Variants in TAB2 observed in about 807,000 individuals in gnomAD.
TAB2 encodes TGF-beta activated kinase 1 (MAP3K7) binding protein 2, also known as TGF-beta-activated kinase 1 and MAP3K7-binding protein 2.
In TAB2, 3 loss-of-function variants were observed where a neutral mutation model predicts 65.0. The observed-to-expected ratio is 0.05, with a 90% CI of 0.02 to 0.12. The LOEUF (loss-of-function observed/expected upper bound fraction) is 0.12. Among genes scored for constraint, TAB2 ranks in the 10% least tolerant of loss-of-function variants. TAB2 has a pLI of 1.00. For missense variants in TAB2, 623 were observed against 840.3 expected, an observed-to-expected ratio of 0.74 and a Z score of 3.20; for synonymous variants, 298 against 285.1, an observed-to-expected ratio of 1.05 and a Z score of -0.46.
intron 1 of TAB2, among the ~76,000 whole-genome samples, chr6:149,325,154 G>A (rs1488551292): frequency 6.6e-6 from 1 of 152,162 alleles, no homozygotes; most frequent in Non-Finnish European, 1.5e-5. Flanking sequence ...TTTAAAACCA[G>A]ATGAGCCCAA....
At chr6:149,361,661 T>G (rs972103627) in intron 1 of TAB2, among the ~76,000 whole-genome samples, 3 of 152,152 alleles carry the variant, frequency 2.0e-5, no homozygotes, top group Admixed American at 6.5e-5. Flanking sequence ...TGAATTCCTC[T>G]CCCGAAAAAG....
At chr6:149,349,828 G>T (rs1262504384) in intron 1 of TAB2, among the ~76,000 whole-genome samples, 3 of 152,102 alleles carry the variant, frequency 2.0e-5, no homozygotes, top group African/African-American at 7.2e-5. Flanking sequence ...GAGAGTTATG[G>T]CAACAAATAT....
At chr6:149,308,338 C>G (rs1484068493) in intron 1 of TAB2, among the ~76,000 whole-genome samples, 1 of 152,162 alleles carries the variant, frequency 6.6e-6, no homozygotes, top group Non-Finnish European at 1.5e-5. Context: ...AAGAATGCCT[C>G]TGTCTCCACC....
chr6:149,237,929 G>A (rs546208659), intron 1 of TAB2, among the ~76,000 whole-genome samples: 65 of 152,186 alleles, frequency 4.3e-4, no homozygotes, highest in Middle Eastern at 6.8e-3. Flanking sequence ...TTGTTTCTCC[G>A]TGAAGCTTTC....
chr6:149,373,252 A>G (rs1049691895), intron 2 of TAB2, among the ~76,000 whole-genome samples: 3 of 152,148 alleles, frequency 2.0e-5, no homozygotes, highest in Non-Finnish European at 4.4e-5. Flanking sequence ...TGGTTTTTTA[A>G]CTTAATTTTT....
intron 4 of TAB2, 76 bp from the exon 5 acceptor site, chr6:149,397,893 G>A (rs1782229239): frequency 6.3e-7 from 1 of 1,576,992 alleles, no homozygotes; most frequent in African/African-American, 1.4e-5. Context: ...TTACTTTCTT[G>A]TGCCAAACTC....
intron 1 of TAB2, among the ~76,000 whole-genome samples, chr6:149,248,389 C>T (rs1179035249): frequency 2.7e-5 from 3 of 109,362 alleles, no homozygotes; most frequent in Non-Finnish European, 5.3e-5. Flanking sequence ...GAGACTATGT[C>T]AAAAAAAGAG....
At chr6:149,375,397 A>C (rs948068124) in intron 2 of TAB2, among the ~76,000 whole-genome samples, 4 of 152,158 alleles carry the variant, frequency 2.6e-5, no homozygotes, top group Non-Finnish European at 4.4e-5. Context: ...TAGAGTGTAA[A>C]TAATTTGAGT....
intron 1 of TAB2, chr6:149,346,374 A>G (rs150704275): frequency 4.6e-5 from 7 of 151,730 alleles, no homozygotes; most frequent in Middle Eastern, 3.4e-3. Context: ...GCAGAGTTAT[A>G]TGAGATGAAC....
At position 149,346,902 on chromosome 6, in the gene TAB2, AGTGCTTTTATTCTC is replaced by A. The variant is rs1405914619; in HGVS notation, c.-89-23006_-89-22993del. ...TGTAAGATGAAAATTGGTTCCTTCA[AGTGCTTTTATTCTC>A]TTTTCTCCTCTTTCCCTTTTACCCA... On this transcript the variant is annotated intron_variant, in intron 1 of 6. Coordinates refer to ENST00000637181, the MANE Select transcript of TAB2 (RefSeq NM_001292034.3). Among the ~76,000 whole-genome samples the A allele has an allele frequency of 1.2e-4, 18 of 152,194 alleles. 1 individual carries two copies. Among genetic ancestry groups the A allele is most frequent in the Non-Finnish European group, 8.8e-5 (6 of 68,032 alleles).
chr6:149,265,424 C>A (rs35570061), intron 1 of TAB2, among the ~76,000 whole-genome samples: 25,866 of 152,040 alleles, frequency 0.17, 2,449 homozygotes, highest in East Asian at 0.4. Context: ...TTTGCTGCGG[C>A]CTTTCTCAGC....
At chr6:149,385,836 C>T (rs1392804319) in intron 3 of TAB2, among the ~76,000 whole-genome samples, 1 of 152,042 alleles carries the variant, frequency 6.6e-6, no homozygotes, top group African/African-American at 2.4e-5. Context: ...AAATTAATAC[C>T]TTTAAAAAGT....
intron 1 of TAB2, chr6:149,346,486 T>C (rs1376786716): frequency 7.1e-6 from 1 of 141,196 alleles, no homozygotes; most frequent in East Asian, 2.0e-4. Flanking sequence ...AGAGTTTCGC[T>C]CTTGTTGCCC....
intron 1 of TAB2, among the ~76,000 whole-genome samples, chr6:149,287,288 C>T (rs1250503247): frequency 1.3e-5 from 2 of 152,220 alleles, no homozygotes; most frequent in African/African-American, 2.4e-5. Context: ...CTACATTGAG[C>T]ATGTATTACT....
At chr6:149,315,900 T>C (rs1261194384), upstream of TAB2, among the ~76,000 whole-genome samples, 1 of 152,188 alleles carries the variant, frequency 6.6e-6, no homozygotes, top group African/African-American at 2.4e-5. Flanking sequence ...AAGCATTATA[T>C]TTCTATTAAA....
intron 2 of TAB2, among the ~76,000 whole-genome samples, chr6:149,373,087 T>A (rs775111019): frequency 6.6e-6 from 1 of 152,220 alleles, no homozygotes; most frequent in Non-Finnish European, 1.5e-5. Flanking sequence ...AGTTCCCTCT[T>A]TTTGGAACTA....
chr6:149,277,741 A>G (rs1778502030), intron 1 of TAB2, among the ~76,000 whole-genome samples: 1 of 152,254 alleles, frequency 6.6e-6, no homozygotes, highest in East Asian at 1.9e-4. Context: ...CAGAATTCTT[A>G]TTCAGATAAA....
At chr6:149,348,814 A>C (rs1281773408) in intron 1 of TAB2, among the ~76,000 whole-genome samples, 1 of 151,842 alleles carries the variant, frequency 6.6e-6, no homozygotes, top group Non-Finnish European at 1.5e-5. Flanking sequence ...AAATACAAAA[A>C]AATTAGCCGG....
intron 3 of TAB2, among the ~76,000 whole-genome samples, chr6:149,384,842 T>C (rs2078413205): frequency 6.6e-6 from 1 of 152,198 alleles, no homozygotes; most frequent in Admixed American, 6.5e-5. Context: ...TACTTTCTTA[T>C]TTTGTTACAG....
Sources: gnomAD v4.1 joint callset for allele counts (sites outside exome capture counted in the v4.1 genomes callset) on GRCh38, gnomAD v4.1.1 for gene constraint, MANE v1.5 for transcripts, NCBI Gene and HGNC (gene_info 2026-07-23, HGNC 2026-07-21) for gene names.